IL1RAPL2: variants seen among roughly 807,000 people sequenced by gnomAD.
IL1RAPL2 encodes interleukin 1 receptor accessory protein like 2, also known as X-linked interleukin-1 receptor accessory protein-like 2.
A neutral mutation model predicts 44.1 loss-of-function variants in IL1RAPL2; 3 were observed. That is an observed-to-expected ratio of 0.07 (90% CI 0.03 to 0.18). The LOEUF (loss-of-function observed/expected upper bound fraction) is 0.18. IL1RAPL2 is among the 10% of genes least tolerant of loss of function. The pLI, the probability that IL1RAPL2 is intolerant of heterozygous loss-of-function variation, is 1.00. For missense variants in IL1RAPL2, 391 were observed against 496.4 expected, an observed-to-expected ratio of 0.79 and a Z score of 2.02; for synonymous variants, 181 against 178.8, an observed-to-expected ratio of 1.01 and a Z score of -0.10.
At chrX:105,661,666 C>T (rs1368520835) in intron 6 of IL1RAPL2, among the ~76,000 whole-genome samples, 1 of 111,847 alleles carries the variant, frequency 8.9e-6, no homozygotes, top group Non-Finnish European at 1.9e-5. Context: ...CTGAGAATCT[C>T]AAATATTGTA....
intron 6 of IL1RAPL2, among the ~76,000 whole-genome samples, chrX:105,552,526 A>AT (rs2147803419): frequency 8.9e-6 from 1 of 111,809 alleles, no homozygotes; most frequent in South Asian, 3.7e-4. Context: ...CATATGACTA[A>AT]TTTTTGGCCA....
At chrX:104,740,485 C>T (rs1932084303) in intron 2 of IL1RAPL2, among the ~76,000 whole-genome samples, 1 of 110,845 alleles carries the variant, frequency 9.0e-6, no homozygotes, top group African/African-American at 3.3e-5. Flanking sequence ...CCTCTATGTA[C>T]GTTTTCAAAG....
At chrX:104,832,602 C>T (rs748055167) in intron 2 of IL1RAPL2, among the ~76,000 whole-genome samples, 12 of 111,572 alleles carry the variant, frequency 1.1e-4, no homozygotes, top group South Asian at 3.7e-4. Flanking sequence ...GCTTATTTCC[C>T]GGGAATAGGT....
chrX:104,997,283 G>T (rs2030765710), intron 2 of IL1RAPL2, among the ~76,000 whole-genome samples: 1 of 111,825 alleles, frequency 8.9e-6, no homozygotes, highest in Admixed American at 9.5e-5. Context: ...ATATTGAAAT[G>T]ACAATATTTT....
chrX:104,903,726 C>T (rs1244407912), intron 2 of IL1RAPL2, among the ~76,000 whole-genome samples: 1 of 110,161 alleles, frequency 9.1e-6, no homozygotes, highest in Non-Finnish European at 1.9e-5. Context: ...TACAGGCACG[C>T]ATCACCATGC....
intron 7 of IL1RAPL2, among the ~76,000 whole-genome samples, chrX:105,728,637 C>A (rs903321220): frequency 6.3e-5 from 7 of 110,865 alleles, no homozygotes; most frequent in Non-Finnish European, 1.3e-4. Flanking sequence ...TCATATAGCC[C>A]CTTTGCCTCT....
intron 5 of IL1RAPL2, among the ~76,000 whole-genome samples, chrX:105,433,654 T>G (rs1279513358): frequency 9.0e-6 from 1 of 111,320 alleles, no homozygotes; most frequent in Non-Finnish European, 1.9e-5. Context: ...GACAGTCCCG[T>G]GATTATTGTC....
intron 1 of IL1RAPL2, among the ~76,000 whole-genome samples, chrX:104,637,824 C>CTGTGTG (rs1405158257): frequency 2.0e-5 from 2 of 101,231 alleles, no homozygotes; most frequent in Admixed American, 1.1e-4. Context: ...GTGTGTGTGT[C>CTGTGTG]TGTGTGTCTG....
At chrX:104,891,500 A>T in intron 2 of IL1RAPL2, among the ~76,000 whole-genome samples, 1 of 111,721 alleles carries the variant, frequency 9.0e-6, no homozygotes, top group Non-Finnish European at 1.9e-5. Flanking sequence ...CTCCTTGAAG[A>T]GGTCCTTCAC....
intron 2 of IL1RAPL2, among the ~76,000 whole-genome samples, chrX:104,667,035 T>C (rs184714912): frequency 1.9e-4 from 21 of 111,384 alleles, no homozygotes; most frequent in Non-Finnish European, 3.8e-4. Flanking sequence ...TGACATTCAA[T>C]GACCTTCCCC....
intron 6 of IL1RAPL2, among the ~76,000 whole-genome samples, chrX:105,496,475 G>A (rs2036357504): frequency 1.8e-5 from 2 of 112,551 alleles, no homozygotes; most frequent in Non-Finnish European, 3.8e-5. Context: ...AGATAATTAA[G>A]GAAAGTGAAG....
intron 1 of IL1RAPL2, among the ~76,000 whole-genome samples, chrX:104,592,149 G>A (rs1474537375): frequency 3.0e-5 from 2 of 67,034 alleles, no homozygotes; most frequent in Admixed American, 1.9e-4. Flanking sequence ...CCGTATATGT[G>A]TGTGTGTGTG....
At chrX:105,692,428 T>C (rs948227647) in intron 6 of IL1RAPL2, among the ~76,000 whole-genome samples, 18 of 111,553 alleles carry the variant, frequency 1.6e-4, no homozygotes, top group African/African-American at 5.2e-4. Flanking sequence ...AGTTGATTAA[T>C]ATGATCTACA....
chrX:105,675,860 G>A (rs2037867023), intron 6 of IL1RAPL2, among the ~76,000 whole-genome samples: 1 of 111,716 alleles, frequency 9.0e-6, no homozygotes, highest in African/African-American at 3.2e-5. Context: ...TCTATTGAGG[G>A]ATTCAACCTA....
intron 5 of IL1RAPL2, among the ~76,000 whole-genome samples, chrX:105,279,988 A>G (rs1772512591): frequency 8.9e-6 from 1 of 112,398 alleles, no homozygotes; most frequent in African/African-American, 3.2e-5. Flanking sequence ...CTGGGTGAGA[A>G]GAACAAAGCT....
chrX:104,983,686 ATAT>A (rs1352293645), intron 2 of IL1RAPL2, among the ~76,000 whole-genome samples: 1 of 100,791 alleles, frequency 9.9e-6, no homozygotes, highest in African/African-American at 3.6e-5. Context: ...TATATACATA[ATAT>A]TAACATAATA....
At chrX:104,722,991 G>A (rs1340133346) in intron 2 of IL1RAPL2, among the ~76,000 whole-genome samples, 1 of 111,042 alleles carries the variant, frequency 9.0e-6, no homozygotes, top group Admixed American at 9.6e-5. Context: ...TAAGAAATAG[G>A]GAAGCCTTCA....
At chrX:105,528,305 G>A (rs1237438182) in intron 6 of IL1RAPL2, among the ~76,000 whole-genome samples, 1 of 110,771 alleles carries the variant, frequency 9.0e-6, no homozygotes, top group Non-Finnish European at 1.9e-5. Flanking sequence ...CCCCTTATTT[G>A]ACCCATGAGA....
At chrX:105,493,074 T>C (rs924775629) in intron 6 of IL1RAPL2, among the ~76,000 whole-genome samples, 4 of 112,330 alleles carry the variant, frequency 3.6e-5, no homozygotes, top group African/African-American at 1.3e-4. Context: ...CATAGTGTTA[T>C]CAAGGTTCAG....
Sources: allele counts gnomAD v4.1 joint callset (sites outside exome capture counted in the v4.1 genomes callset), GRCh38; gene constraint gnomAD v4.1.1; transcripts MANE v1.5; gene names NCBI Gene and HGNC (gene_info 2026-07-23, HGNC 2026-07-21).